FRMPD1: variants seen among roughly 807,000 people sequenced by gnomAD.
FRMPD1 encodes FERM and PDZ domain-containing protein 1.
A neutral mutation model predicts 117.8 loss-of-function variants in FRMPD1; 76 were observed. The observed-to-expected ratio is 0.65, with a 90% CI of 0.54 to 0.78. The LOEUF is 0.78. Ranked by LOEUF, FRMPD1 falls within the 30% of genes least tolerant of loss-of-function variation. The probability of loss-of-function intolerance (pLI) is 0.00; values close to 1 mark genes in which losing one functional copy is unlikely to be tolerated. For missense variants in FRMPD1, 1,786 were observed against 1,964.5 expected (o/e 0.91, Z 1.72); for synonymous variants, 783 against 770.4 (o/e 1.02, Z -0.27).
At chr9:37,686,124 A>T (rs543324091) in intron 1 of FRMPD1, among the ~76,000 whole-genome samples, 1 of 152,166 alleles carries the variant, frequency 6.6e-6, no homozygotes, top group Non-Finnish European at 1.5e-5. Flanking sequence ...TTCCAAGTTG[A>T]TGTGTGCTCT....
chr9:37,664,567 G>A (rs932034568), intron 1 of FRMPD1, among the ~76,000 whole-genome samples: 1 of 151,890 alleles, frequency 6.6e-6, no homozygotes, highest in Non-Finnish European at 1.5e-5. Flanking sequence ...GAGAACATGC[G>A]GTGTTTGGTT....
At position 37,732,286 on chromosome 9, in the gene FRMPD1, C is replaced by G. The variant is rs796182496; in HGVS notation, c.859-18C>G. On this transcript the variant is annotated intron_variant, in intron 9 of 15. Transcript: ENST00000377765. ...TGTCTGCTTTTGTTTCCCATCTGCTCTATTTAATCTCTTCTAGAGCTGCAG... is the reference window on the plus strand; with the variant it reads ...TGTCTGCTTTTGTTTCCCATCTGCTGTATTTAATCTCTTCTAGAGCTGCAG... 6.2e-7 allele frequency: 1 copy of G among 1,612,140 alleles called. No individual in the cohort carries two copies.
At chr9:37,636,080 C>T in the FRMPD1 span, among the ~76,000 whole-genome samples, 36 of 152,192 alleles carry the variant, frequency 2.4e-4, 1 homozygote, top group African/African-American at 8.7e-4. Flanking sequence ...CGCTACCCGC[C>T]CAGCCGCCCT....
Position 37,693,436 on chromosome 9 carries a change from G to A in FRMPD1, c.101+694G>A, listed in dbSNP as rs114968620. Among the ~76,000 whole-genome samples, 893 of 152,290 alleles carry A rather than the reference G, an allele frequency of 5.9e-3. 13 individuals are homozygous for A. The highest frequency in any genetic ancestry group is 0.02 in the African/African-American group (829 of 41,542). On this transcript the variant is annotated intron_variant, in intron 2 of 15. Coordinates refer to ENST00000377765, the MANE Select transcript of FRMPD1 (RefSeq NM_014907.3). ...TTTCTGAGACACACATTCTTCCAAAGGAACTGGAAACAGCTGTTCTGCTGC... is the reference window on the plus strand; with the variant it reads ...TTTCTGAGACACACATTCTTCCAAAAGAACTGGAAACAGCTGTTCTGCTGC...
chr9:37,711,454 T>A (rs879696329), intron 5 of FRMPD1, 59 bp downstream of exon 5: 88 of 1,261,646 alleles, frequency 7.0e-5, no homozygotes, highest in Middle Eastern at 1.9e-4. Flanking sequence ...TAAGACCCTG[T>A]TCCCCCAGAG....
intron 5 of FRMPD1, among the ~76,000 whole-genome samples, chr9:37,717,546 A>G (rs2118239930): frequency 6.6e-6 from 1 of 151,566 alleles, no homozygotes; most frequent in Non-Finnish European, 1.5e-5. Flanking sequence ...CGCTCGGCTA[A>G]TTTTTGTATT....
intron 5 of FRMPD1, among the ~76,000 whole-genome samples, chr9:37,715,484 A>G (rs1488514153): frequency 2.6e-5 from 4 of 152,336 alleles, no homozygotes; most frequent in East Asian, 1.9e-4. Context: ...ATGTTTTCCA[A>G]CGTGTCCCTT....
chr9:37,644,255 T>A, the FRMPD1 span, among the ~76,000 whole-genome samples: 1 of 150,746 alleles, frequency 6.6e-6, no homozygotes, highest in Non-Finnish European at 1.5e-5. Flanking sequence ...CCTCTCCTGT[T>A]GAGAGGTCCT....
intron 1 of FRMPD1, among the ~76,000 whole-genome samples, chr9:37,691,459 G>T (rs574992797): frequency 6.6e-6 from 1 of 152,116 alleles, no homozygotes; most frequent in African/African-American, 2.4e-5. Context: ...TAATAATATC[G>T]TACCAATGTT....
rs766018914 is a variant in FRMPD1 at position 37,740,295 on chromosome 9, G to A, written c.1767G>A (p.Ala589=). ...CGACAGACAGTGCCGAGTCCGAGGC[G>A]TCCGACTCAGCCAACACTGAGAGCC... ...SSTTDSAESE[A]SDSANTESRG... Residue 589 remains alanine (A), a synonymous_variant, in exon 15 of 16, where the codon GCG becomes GCA. Coordinates refer to ENST00000377765, the MANE Select transcript of FRMPD1 (RefSeq NM_014907.3). The surrounding 1 kb of genome is among the most constrained non-coding windows in gnomAD (Gnocchi z 4.2). 12 of 1,613,552 alleles carry A rather than the reference G, an allele frequency of 7.4e-6. No homozygotes were observed. Among genetic ancestry groups the A allele is most frequent in the Admixed American group, 5.0e-5 (3 of 60,002 alleles).
rs112475487 is a variant in FRMPD1 at position 37,741,080 on chromosome 9, A to C, written c.2356+196A>C. Reference sequence around the variant, plus strand: ...CAGGCCTGCAAGGGAGGTTCAGACAACTGTGGCAAGCAGATGGGAGGGATT... The same window carrying C: ...CAGGCCTGCAAGGGAGGTTCAGACACCTGTGGCAAGCAGATGGGAGGGATT... On this transcript the variant is annotated intron_variant, in intron 15 of 15. Coordinates refer to ENST00000377765, the MANE Select transcript of FRMPD1 (RefSeq NM_014907.3). The C allele has an allele frequency of 5.1e-6, 3 of 591,618 alleles. No homozygotes were observed. In the African/African-American group the frequency reaches 5.6e-5, roughly 11 times the overall value. The allele number at this position is 591,618 out of a possible 1,614,324, so 36.6% of individuals were successfully genotyped here.
the FRMPD1 span, among the ~76,000 whole-genome samples, chr9:37,634,274 C>T: frequency 1.3e-5 from 2 of 152,264 alleles, no homozygotes; most frequent in Non-Finnish European, 1.5e-5. Context: ...CTTATTATGA[C>T]TTTGCAAATT....
At chr9:37,720,045 G>C (rs1823325084) in intron 6 of FRMPD1, among the ~76,000 whole-genome samples, 1 of 152,110 alleles carries the variant, frequency 6.6e-6, no homozygotes, top group African/African-American at 2.4e-5. Context: ...GAGTCACAGG[G>C]GGTGGGGGCT....
intron 7 of FRMPD1, among the ~76,000 whole-genome samples, chr9:37,727,005 A>C (rs1371333282): frequency 1.3e-5 from 2 of 152,192 alleles, no homozygotes; most frequent in Non-Finnish European, 2.9e-5. Context: ...TGATGTGTGA[A>C]GGCAACATCC....
intron 1 of FRMPD1, chr9:37,669,651 A>G (rs1009564126): frequency 6.6e-5 from 10 of 152,182 alleles, no homozygotes; most frequent in African/African-American, 2.2e-4. Context: ...CTGCATTACT[A>G]CTATACACAC....
intron 2 of FRMPD1, among the ~76,000 whole-genome samples, chr9:37,696,560 T>C (rs1822331493): frequency 6.6e-6 from 1 of 152,240 alleles, no homozygotes; most frequent in South Asian, 2.1e-4. Flanking sequence ...AAAAGGAATT[T>C]TTAATGATTA....
chr9:37,683,293 C>T (rs1310721302), intron 1 of FRMPD1, among the ~76,000 whole-genome samples: 1 of 152,198 alleles, frequency 6.6e-6, no homozygotes, highest in Non-Finnish European at 1.5e-5. Flanking sequence ...AATTTGGTCA[C>T]ACAACTGAGC....
chr9:37,612,700 C>G, the FRMPD1 span, among the ~76,000 whole-genome samples: 39 of 152,140 alleles, frequency 2.6e-4, no homozygotes, highest in African/African-American at 8.7e-4. Context: ...CCACATTGAC[C>G]AGGCTGGTCT....
chr9:37,704,567 T>G (rs1197893987), intron 2 of FRMPD1, among the ~76,000 whole-genome samples: 1 of 152,072 alleles, frequency 6.6e-6, no homozygotes, highest in African/African-American at 2.4e-5. Context: ...TTAAGCAAGT[T>G]AAAATCTCTC....
Sources: gnomAD v4.1 joint callset for allele counts (sites outside exome capture counted in the v4.1 genomes callset) on GRCh38, gnomAD v4.1.1 for gene constraint, Gnocchi (gnomAD v3.1) non-coding constraint, MANE v1.5 for transcripts, NCBI Gene and HGNC (gene_info 2026-07-23, HGNC 2026-07-21) for gene names.